RABGEF1: variants seen among roughly 807,000 people sequenced by gnomAD.
The protein encoded by RABGEF1 is rab5 GDP/GTP exchange factor.
Under a neutral mutation model 57.3 loss-of-function variants are expected in RABGEF1, and 26 were observed. The ratio of observed to expected loss-of-function variants is 0.45; its 90% CI spans 0.33 to 0.63. The LOEUF is 0.63. Among genes scored for constraint, RABGEF1 ranks in the 20% least tolerant of loss-of-function variants. The pLI, the probability that RABGEF1 is intolerant of heterozygous loss-of-function variation, is 0.02. For missense variants in RABGEF1, 464 were observed against 607.6 expected (o/e 0.76, Z 2.48); for synonymous variants, 185 against 210.7 (o/e 0.88, Z 1.06).
upstream of RABGEF1, among the ~76,000 whole-genome samples, chr7:66,738,023 GTTTTTTTTT>G (rs958049174): frequency 2.4e-4 from 31 of 129,438 alleles, 1 homozygote; most frequent in South Asian, 3.7e-3. Context: ...TGTTTTTTTT[GTTTTTTTTT>G]TTTTTTGAGA....
At chr7:66,794,354 C>A (rs867740977) in intron 4 of RABGEF1, among the ~76,000 whole-genome samples, 22 of 150,730 alleles carry the variant, frequency 1.5e-4, no homozygotes, top group African/African-American at 4.9e-4. Context: ...TGGGGTCTCA[C>A]TATGTTGCCC....
At chr7:66,735,183 C>A (rs1224064909) in intron 2 of RABGEF1, among the ~76,000 whole-genome samples, 1 of 152,092 alleles carries the variant, frequency 6.6e-6, no homozygotes, top group Non-Finnish European at 1.5e-5. Context: ...AAATGCCTGC[C>A]CCATTTCCCA....
intron 8 of RABGEF1, among the ~76,000 whole-genome samples, chr7:66,806,208 G>A (rs1031385874): frequency 1.3e-5 from 2 of 152,118 alleles, no homozygotes; most frequent in Non-Finnish European, 2.9e-5. Flanking sequence ...GATGCATTGC[G>A]AGTATTTCTG....
At chr7:66,799,251 C>G in intron 6 of RABGEF1, 72 bp from the exon 7 acceptor site, 3 of 1,281,232 alleles carry the variant, frequency 2.3e-6, no homozygotes, top group Non-Finnish European at 2.2e-6. Flanking sequence ...TTTCCCTAAA[C>G]TGAAGGAGGT....
upstream of RABGEF1, chr7:66,739,848 A>G (rs1426534993): frequency 6.6e-6 from 1 of 152,232 alleles, no homozygotes; most frequent in Non-Finnish European, 1.5e-5. Flanking sequence ...CAGAGGAATT[A>G]GTATTTACTG....
chr7:66,691,471 C>CA (rs1344357454), intron 1 of RABGEF1, among the ~76,000 whole-genome samples: 8 of 152,066 alleles, frequency 5.3e-5, no homozygotes, highest in Non-Finnish European at 1.2e-4. Context: ...GAATGAGTGT[C>CA]AAAAAATATG....
At chr7:66,711,870 G>A (rs1794826342) in intron 1 of RABGEF1, among the ~76,000 whole-genome samples, 1 of 152,144 alleles carries the variant, frequency 6.6e-6, no homozygotes, top group Non-Finnish European at 1.5e-5. Flanking sequence ...ACAGGTGTGA[G>A]CCACTGCACC....
chr7:66,744,667 CAAAA>C (rs774941950), intron 1 of RABGEF1, among the ~76,000 whole-genome samples: 2 of 71,042 alleles, frequency 2.8e-5, no homozygotes, highest in Non-Finnish European at 2.8e-5. Context: ...GACTCCGTCT[CAAAA>C]AAAAAAAAAA....
chr7:66,805,608 C>T (rs1318951240), intron 8 of RABGEF1, among the ~76,000 whole-genome samples: 3 of 152,214 alleles, frequency 2.0e-5, no homozygotes, highest in Admixed American at 6.5e-5. Context: ...GTTTATCCTA[C>T]GGAAACAGAT....
chr7:66,715,005 C>T (rs551371770), intron 2 of RABGEF1, among the ~76,000 whole-genome samples: 1 of 152,044 alleles, frequency 6.6e-6, no homozygotes, highest in African/African-American at 2.4e-5. Flanking sequence ...TCCTCCTCCT[C>T]CTCCTCTTCT....
At chr7:66,700,163 C>G (rs1163031162) in intron 1 of RABGEF1, among the ~76,000 whole-genome samples, 1 of 152,226 alleles carries the variant, frequency 6.6e-6, no homozygotes, top group Admixed American at 6.5e-5. Flanking sequence ...CCTGCACATT[C>G]CAGCCCTGGT....
chr7:66,656,811 AC>A, the RABGEF1 span, among the ~76,000 whole-genome samples: 4 of 86,020 alleles, frequency 4.7e-5, no homozygotes, highest in South Asian at 3.4e-4. Context: ...CAAGAGTGAA[AC>A]TGCATCTCAA....
chr7:66,706,605 T>G (rs978783343), intron 1 of RABGEF1, among the ~76,000 whole-genome samples: 12 of 150,858 alleles, frequency 8.0e-5, no homozygotes, highest in African/African-American at 2.4e-4. Context: ...GAGACGGGAT[T>G]TCACCATGTT....
chr7:66,744,071 T>C (rs1799629497), intron 1 of RABGEF1, among the ~76,000 whole-genome samples: 1 of 149,960 alleles, frequency 6.7e-6, no homozygotes, highest in East Asian at 2.0e-4. Context: ...GGAGTCTTGA[T>C]CTGTGACTGG....
intron 2 of RABGEF1, among the ~76,000 whole-genome samples, chr7:66,719,188 A>G (rs968915537): frequency 6.6e-6 from 1 of 152,076 alleles, no homozygotes; most frequent in Non-Finnish European, 1.5e-5. Flanking sequence ...ACCAACAAAA[A>G]CAACATCACA....
At chr7:66,742,794 ATGT>A (rs1306498113) in intron 1 of RABGEF1, among the ~76,000 whole-genome samples, 2 of 152,038 alleles carry the variant, frequency 1.3e-5, no homozygotes, top group Admixed American at 6.6e-5. Flanking sequence ...TTTTGTAAAG[ATGT>A]TGTCTTGCTG....
chr7:66,726,947 T>C (rs1341780974), intron 2 of RABGEF1, among the ~76,000 whole-genome samples: 1 of 152,008 alleles, frequency 6.6e-6, no homozygotes, highest in Non-Finnish European at 1.5e-5. Flanking sequence ...GAGATTGCAG[T>C]GAGCCGAGAT....
At chr7:66,670,085 T>C in the RABGEF1 span, among the ~76,000 whole-genome samples, 2 of 152,030 alleles carry the variant, frequency 1.3e-5, no homozygotes, top group Non-Finnish European at 2.9e-5. Context: ...ACCGCCCCTT[T>C]CCCCAAGGGC....
chr7:66,749,729 T>C (rs1308798298), intron 1 of RABGEF1, among the ~76,000 whole-genome samples: 1 of 152,234 alleles, frequency 6.6e-6, no homozygotes, highest in East Asian at 1.9e-4. Flanking sequence ...CTCAGCACTT[T>C]GGGAGGCCAA....
Sources: gnomAD v4.1 joint callset for allele counts (sites outside exome capture counted in the v4.1 genomes callset) on GRCh38, gnomAD v4.1.1 for gene constraint, MANE v1.5 for transcripts, NCBI Gene and HGNC (gene_info 2026-07-23, HGNC 2026-07-21) for gene names.